Variants in TAFA1 observed in about 807,000 individuals in gnomAD.
TAFA1 encodes TAFA chemokine like family member 1.
A neutral mutation model predicts 18.5 loss-of-function variants in TAFA1; 4 were observed. The observed-to-expected ratio is 0.22, with a 90% CI of 0.11 to 0.49. The LOEUF is 0.49. Among genes scored for constraint, TAFA1 ranks in the 20% least tolerant of loss-of-function variants. The pLI is 0.98. For missense variants in TAFA1, 147 were observed against 169.0 expected (o/e 0.87, Z 0.72); for synonymous variants, 56 against 55.2 (o/e 1.01, Z -0.06).
chr3:68,003,542 A>G (rs1337555368), upstream of TAFA1, among the ~76,000 whole-genome samples: 1 of 152,176 alleles, frequency 6.6e-6, no homozygotes, highest in Non-Finnish European at 1.5e-5. Context: ...TTACCAGCAC[A>G]ATCTATAAAT....
At chr3:68,387,059 A>ATT (rs1026064519) in intron 2 of TAFA1, among the ~76,000 whole-genome samples, 23 of 146,754 alleles carry the variant, frequency 1.6e-4, no homozygotes, top group African/African-American at 5.0e-4. Context: ...GCCTAATTTT[A>ATT]TTTTTTTTTT....
rs1389692434 is a variant in TAFA1, at chr3:68,505,068, G to C, written c.260-33688G>C. On this transcript the variant is annotated intron_variant, in intron 3 of 4. Transcript: ENST00000478136. ...AAGATCAAAGCATGTTTGCTGAAAT[G>C]TGCAAGAGCTACCTCCTGAGTATGT... Among the ~76,000 whole-genome samples, 3 of 152,154 alleles carry C rather than the reference G, an allele frequency of 2.0e-5. No homozygotes were observed. The East Asian group carries it at 5.8e-4, about 29-fold the overall frequency.
intron 3 of TAFA1, among the ~76,000 whole-genome samples, chr3:68,531,533 C>T (rs566417771): frequency 6.6e-5 from 10 of 152,224 alleles, no homozygotes; most frequent in Non-Finnish European, 1.0e-4. Context: ...CCCGCCAGCA[C>T]TTGGGAAGTT....
intron 2 of TAFA1, among the ~76,000 whole-genome samples, chr3:68,388,272 G>T (rs1200217131): frequency 6.6e-6 from 1 of 152,072 alleles, no homozygotes; most frequent in Non-Finnish European, 1.5e-5. Flanking sequence ...TAAAAAGGTA[G>T]TATAGATCTA....
At chr3:68,348,738 G>A (rs534067027) in intron 2 of TAFA1, among the ~76,000 whole-genome samples, 1 of 151,850 alleles carries the variant, frequency 6.6e-6, no homozygotes. Flanking sequence ...TTCTTCCCAC[G>A]CTCCTCCACC....
intron 2 of TAFA1, among the ~76,000 whole-genome samples, chr3:68,358,872 AT>A (rs1188557413): frequency 7.8e-6 from 1 of 128,040 alleles, no homozygotes; most frequent in African/African-American, 2.9e-5. Context: ...AGTGATCTGA[AT>A]TGATTTTCTG....
intron 2 of TAFA1, among the ~76,000 whole-genome samples, chr3:68,109,946 C>G (rs1385883350): frequency 6.6e-6 from 1 of 151,968 alleles, no homozygotes; most frequent in Non-Finnish European, 1.5e-5. Context: ...GATTATGTGG[C>G]CAATTTTAGT....
chr3:68,293,103 T>G (rs1390389776), intron 2 of TAFA1, among the ~76,000 whole-genome samples: 1 of 152,212 alleles, frequency 6.6e-6, no homozygotes, highest in Non-Finnish European at 1.5e-5. Context: ...AAAAGTTCAC[T>G]GGGAGATTTA....
intron 2 of TAFA1, among the ~76,000 whole-genome samples, chr3:68,043,539 A>C (rs947236475): frequency 6.6e-6 from 1 of 152,242 alleles, no homozygotes; most frequent in Non-Finnish European, 1.5e-5. Flanking sequence ...ACACATGAAA[A>C]ATAAAGAAGT....
chr3:68,212,882 A>C (rs1204054980), intron 2 of TAFA1, among the ~76,000 whole-genome samples: 3 of 152,022 alleles, frequency 2.0e-5, no homozygotes, highest in Non-Finnish European at 4.4e-5. Flanking sequence ...TGAATCACAC[A>C]CTAAGCTGCT....
chr3:68,316,204 A>G lies in TAFA1; in HGVS notation c.119-101076A>G, dbSNP rs115440166. On this transcript the variant is annotated intron_variant, in intron 2 of 4. Coordinates refer to ENST00000478136, the MANE Select transcript of TAFA1 (RefSeq NM_213609.4). ...ATGAAATAGTTTATTTCAAATGTGC[A>G]TTTTTTACTGCCTGAGTTGTGAAGT... Among the ~76,000 whole-genome samples the G allele has an allele frequency of 8.4e-3, 1,285 of 152,312 alleles. 14 individuals are homozygous for G. Among genetic ancestry groups the G allele is most frequent in the African/African-American group, 0.03 (1,227 of 41,560 alleles).
chr3:68,365,166 C>T (rs2069541461), intron 2 of TAFA1, among the ~76,000 whole-genome samples: 1 of 152,132 alleles, frequency 6.6e-6, no homozygotes, highest in Non-Finnish European at 1.5e-5. Flanking sequence ...TAATGAATTA[C>T]CCAGTAAGTA....
rs144291406 is a variant in TAFA1 at position 68,221,448 on chromosome 3, A to G, written c.119-195832A>G. 5.0e-4 allele frequency among the ~76,000 whole-genome samples: 76 copies of G among 152,210 alleles called. 1 individual carries two copies. Among genetic ancestry groups the G allele is most frequent in the African/African-American group, 1.8e-3 (73 of 41,524 alleles). ...TGAGAAATACAACAACTTAGATAAT[A>G]TTTTCTTAAGCAAATAGGGTGGCTT... is the stretch of plus-strand genomic sequence containing the variant. On this transcript the variant is annotated intron_variant, in intron 2 of 4. Coordinates refer to ENST00000478136, the MANE Select transcript of TAFA1 (RefSeq NM_213609.4).
chr3:68,269,698 G>C lies in TAFA1; in HGVS notation c.119-147582G>C, dbSNP rs1360862283. Among the ~76,000 whole-genome samples the C allele has an allele frequency of 2.0e-5, 3 of 152,146 alleles. No individual in the cohort carries two copies. In the East Asian group the frequency reaches 5.8e-4, roughly 29 times the overall value. ...GAACTTTGGGAGGCCAAGATAGTGGGATCACCAGAGGCCAGGAGTTTGAGA... is the reference window on the plus strand; with the variant it reads ...GAACTTTGGGAGGCCAAGATAGTGGCATCACCAGAGGCCAGGAGTTTGAGA... On this transcript the variant is annotated intron_variant, in intron 2 of 4. Transcript: ENST00000478136.
chr3:68,418,303 A>G (rs1362480661), intron 3 of TAFA1, among the ~76,000 whole-genome samples: 1 of 151,890 alleles, frequency 6.6e-6, no homozygotes, highest in Non-Finnish European at 1.5e-5. Flanking sequence ...GGAAAATTAC[A>G]GTCAAAGGGG....
chr3:68,182,360 T>C (rs985965430), intron 2 of TAFA1, among the ~76,000 whole-genome samples: 1 of 152,198 alleles, frequency 6.6e-6, no homozygotes, highest in Admixed American at 6.5e-5. Context: ...CTGTGTATTG[T>C]GCTCAGTATG....
At chr3:68,138,915 C>T (rs1415489074) in intron 2 of TAFA1, among the ~76,000 whole-genome samples, 1 of 152,072 alleles carries the variant, frequency 6.6e-6, no homozygotes, top group African/African-American at 2.4e-5. Context: ...CTGGAAGTTG[C>T]CAGGAGTAGT....
At chr3:68,353,683 A>T (rs184199490) in intron 2 of TAFA1, among the ~76,000 whole-genome samples, 2 of 152,178 alleles carry the variant, frequency 1.3e-5, no homozygotes, top group African/African-American at 4.8e-5. Flanking sequence ...CCTGAGGCAG[A>T]CAGCAGAGGA....
chr3:68,486,078 TTTTATTTTA>T (rs1396852598), intron 3 of TAFA1, among the ~76,000 whole-genome samples: 1 of 90,612 alleles, frequency 1.1e-5, no homozygotes, highest in Non-Finnish European at 2.2e-5. Context: ...TTTATTTTTA[TTTTATTTTA>T]TTTTATTTTA....
Sources: allele counts gnomAD v4.1 joint callset (sites outside exome capture counted in the v4.1 genomes callset), GRCh38; gene constraint gnomAD v4.1.1; transcripts MANE v1.5; gene names NCBI Gene and HGNC (gene_info 2026-07-23, HGNC 2026-07-21).